ASH1L: variants seen among roughly 807,000 people sequenced by gnomAD.
ASH1L encodes histone-lysine N-methyltransferase ASH1L.
ASH1L carries 23 observed loss-of-function variants against 269.0 expected under a neutral mutation model. That is an observed-to-expected ratio of 0.09 (90% CI 0.06 to 0.12). The LOEUF (loss-of-function observed/expected upper bound fraction) is 0.12. Among genes scored for constraint, ASH1L ranks in the 10% least tolerant of loss-of-function variants. The probability of loss-of-function intolerance (pLI) is 1.00; values close to 1 mark genes in which losing one functional copy is unlikely to be tolerated. For missense variants in ASH1L, 2,912 were observed against 3,567.8 expected (o/e 0.82, Z 4.68); for synonymous variants, 1,187 against 1,253.5 (o/e 0.95, Z 1.12).
At chr1:155,522,806 C>A (rs1668978396) in intron 1 of ASH1L, among the ~76,000 whole-genome samples, 1 of 151,912 alleles carries the variant, frequency 6.6e-6, no homozygotes, top group South Asian at 2.1e-4. Flanking sequence ...CCTGCCTCAG[C>A]TTCCCGAGTA....
At chr1:155,425,739 G>A (rs529085418) in intron 5 of ASH1L, among the ~76,000 whole-genome samples, 29 of 151,698 alleles carry the variant, frequency 1.9e-4, no homozygotes, top group Non-Finnish European at 2.9e-4. Context: ...CGGCCAAGCA[G>A]GGCTAATTTT....
chr1:155,482,467 A>G lies in ASH1L; in HGVS notation c.421-18T>C. Reference sequence around the variant, plus strand: ...GAAGGGTCCTAAAATTTGAACAAGAAAAAAGTTAAAGAGGGAGTAAACCTT... The same window carrying G: ...GAAGGGTCCTAAAATTTGAACAAGAGAAAAGTTAAAGAGGGAGTAAACCTT... On this transcript the variant is annotated intron_variant, in intron 2 of 27. Coordinates refer to ENST00000392403, the MANE Select transcript of ASH1L (RefSeq NM_018489.3). The G allele has an allele frequency of 5.7e-6, 9 of 1,585,690 alleles. No individual in the cohort carries two copies. The highest frequency in any genetic ancestry group is 1.7e-4 in the Middle Eastern group (1 of 5,888).
chr1:155,536,769 G>A (rs145002145), intron 1 of ASH1L, among the ~76,000 whole-genome samples: 61 of 152,014 alleles, frequency 4.0e-4, no homozygotes, highest in South Asian at 1.5e-3. Context: ...GAGGCCAGGC[G>A]CAGTGGCTCA....
intron 4 of ASH1L, among the ~76,000 whole-genome samples, chr1:155,448,204 T>C (rs1314700738): frequency 6.6e-6 from 1 of 152,252 alleles, no homozygotes; most frequent in Non-Finnish European, 1.5e-5. Flanking sequence ...CACTGGTCTA[T>C]GTGTCTATTT....
intron 5 of ASH1L, among the ~76,000 whole-genome samples, chr1:155,424,991 G>C (rs753384486): frequency 2.7e-5 from 4 of 150,808 alleles, no homozygotes; most frequent in African/African-American, 9.8e-5. Flanking sequence ...TTTTTTTTGA[G>C]ACAGAGCCTT....
chr1:155,495,228 A>G (rs1667067918), intron 2 of ASH1L, among the ~76,000 whole-genome samples: 1 of 152,224 alleles, frequency 6.6e-6, no homozygotes, highest in African/African-American at 2.4e-5. Context: ...GAATCAAAGT[A>G]CGGTGTGTGT....
chr1:155,554,224 A>G (rs1189685288), intron 1 of ASH1L, among the ~76,000 whole-genome samples: 2 of 151,778 alleles, frequency 1.3e-5, no homozygotes, highest in East Asian at 3.9e-4. Context: ...AGCTGGGACC[A>G]CAGGTGGATG....
Position 155,521,255 on chromosome 1 carries a change from T to C in ASH1L, c.265A>G (p.Ile89Val), listed in dbSNP as rs1240366273. 2 of 1,614,196 alleles carry C rather than the reference T, an allele frequency of 1.2e-6. No individual in the cohort carries two copies. The highest frequency in any genetic ancestry group is 1.1e-5 in the South Asian group (1 of 91,084). The part of the protein sequence containing the change: ...NFSEGNLKLK[I>V]GLQAKRTKKP... ...TTAGTTCTCTTAGCCTGGAGGCCAA[T>C]TTTCAATTTTAAATTTCCCTCTGAA... The change falls in exon 2 of 28, where the codon ATT becomes GTT. Residue 89 changes from isoleucine to valine, a missense_variant. Ile to Val is a conservative substitution (Grantham distance 29). Around this residue, in one of 13 missense-constraint regions of ASH1L, gnomAD observed 115 missense variants for 101.5 expected, o/e 1.13. Coordinates refer to ENST00000392403, the MANE Select transcript of ASH1L (RefSeq NM_018489.3).
chr1:155,379,581 T>A, intron 8 of ASH1L, among the ~76,000 whole-genome samples: 1 of 152,206 alleles, frequency 6.6e-6, no homozygotes, highest in Non-Finnish European at 1.5e-5. Context: ...ATTTAAAGAT[T>A]TTTTAAAAGT....
chr1:155,532,143 T>C (rs895354820), intron 1 of ASH1L, among the ~76,000 whole-genome samples: 1 of 152,194 alleles, frequency 6.6e-6, no homozygotes, highest in Non-Finnish European at 1.5e-5. Flanking sequence ...TCAATATTCA[T>C]CTCACATGCA....
chr1:155,553,766 TG>T, intron 1 of ASH1L, among the ~76,000 whole-genome samples: 1 of 152,290 alleles, frequency 6.6e-6, no homozygotes, highest in East Asian at 1.9e-4. Context: ...ATAATATTAC[TG>T]TAATATGTTT....
At chr1:155,455,434 C>T (rs1399952244) in intron 4 of ASH1L, among the ~76,000 whole-genome samples, 2 of 151,714 alleles carry the variant, frequency 1.3e-5, no homozygotes, top group African/African-American at 4.8e-5. Flanking sequence ...GAATTTAGTT[C>T]AAGGATGGGC....
At chr1:155,519,349 T>C (rs572033553) in intron 2 of ASH1L, among the ~76,000 whole-genome samples, 5 of 152,056 alleles carry the variant, frequency 3.3e-5, no homozygotes, top group Non-Finnish European at 7.4e-5. Context: ...GGCAGGAGAA[T>C]TGCTTGAACC....
intron 3 of ASH1L, 89 bp downstream of exon 3, chr1:155,477,797 A>G: frequency 1.6e-6 from 2 of 1,261,508 alleles, no homozygotes; most frequent in South Asian, 2.0e-5. Context: ...AAAGATATAT[A>G]TATTAAAAGT....
intron 2 of ASH1L, among the ~76,000 whole-genome samples, chr1:155,494,040 T>C (rs1666989102): frequency 6.6e-6 from 1 of 152,058 alleles, no homozygotes. Flanking sequence ...ATTTGGTATA[T>C]CAGATGATAA....
chr1:155,375,010 T>C (rs1327807813), intron 10 of ASH1L, among the ~76,000 whole-genome samples: 1 of 151,984 alleles, frequency 6.6e-6, no homozygotes, highest in African/African-American at 2.4e-5. Context: ...GGTGGGGTTT[T>C]GCCATGTTGC....
intron 10 of ASH1L, among the ~76,000 whole-genome samples, chr1:155,377,583 C>A (rs1309594985): frequency 1.3e-5 from 2 of 151,452 alleles, no homozygotes; most frequent in African/African-American, 4.9e-5. Flanking sequence ...CAAAACAAAA[C>A]AAAACAAAAA....
At chr1:155,380,515 A>G (rs1656842457) in intron 7 of ASH1L, among the ~76,000 whole-genome samples, 1 of 152,132 alleles carries the variant, frequency 6.6e-6, no homozygotes, top group Non-Finnish European at 1.5e-5. Context: ...TAACTCGAGA[A>G]GTTTTCCAGG....
At chr1:155,368,267 G>T (rs1376623446) in intron 12 of ASH1L, among the ~76,000 whole-genome samples, 1 of 152,058 alleles carries the variant, frequency 6.6e-6, no homozygotes, top group Admixed American at 6.6e-5. Flanking sequence ...AAAGTGCTGG[G>T]ATTGCAGGTG....
Sources: gnomAD v4.1 joint callset for allele counts (sites outside exome capture counted in the v4.1 genomes callset) on GRCh38, gnomAD v4.1.1 for gene constraint, gnomAD v4.1.1 regional missense constraint, MANE v1.5 for transcripts, NCBI Gene and HGNC (gene_info 2026-07-23, HGNC 2026-07-21) for gene names.